Variants in ADK observed in about 807,000 individuals in gnomAD.
The protein encoded by ADK is adenosine kinase, also known as N6,N6-dimethyladenosine kinase.
In ADK, 24 loss-of-function variants were observed where a neutral mutation model predicts 44.7. The ratio of observed to expected loss-of-function variants is 0.54; its 90% CI spans 0.39 to 0.76. ADK has a LOEUF of 0.76. Among genes scored for constraint, ADK ranks in the 30% least tolerant of loss-of-function variants. ADK has a pLI of 0.00. For synonymous variants in ADK, 128 were observed against 142.6 expected, an observed-to-expected ratio of 0.90 and a Z score of 0.73; for missense variants, 321 against 425.1, an observed-to-expected ratio of 0.76 and a Z score of 2.15.
At chr10:74,339,332 A>G (rs1841512056) in intron 4 of ADK, among the ~76,000 whole-genome samples, 1 of 152,168 alleles carries the variant, frequency 6.6e-6, no homozygotes, top group Admixed American at 6.5e-5. Flanking sequence ...TTATTTTTAA[A>G]ATGATCCACT....
intron 7 of ADK, among the ~76,000 whole-genome samples, chr10:74,565,747 A>C (rs1033006109): frequency 1.3e-5 from 2 of 151,618 alleles, no homozygotes; most frequent in Non-Finnish European, 2.9e-5. Flanking sequence ...AAAAAAAAAA[A>C]AACCATGAAC....
chr10:74,266,237 C>G (rs1846208389), intron 3 of ADK, among the ~76,000 whole-genome samples: 1 of 152,102 alleles, frequency 6.6e-6, no homozygotes, highest in Non-Finnish European at 1.5e-5. Context: ...TTTGAAGTCT[C>G]TGGAGGCTCA....
intron 2 of ADK, among the ~76,000 whole-genome samples, chr10:74,222,753 T>G (rs182902675): frequency 1.3e-5 from 2 of 150,380 alleles, no homozygotes; most frequent in Admixed American, 1.4e-4. Flanking sequence ...CAGTAAACTA[T>G]CACAAGAACA....
chr10:74,567,005 A>C (rs541879630), intron 7 of ADK, among the ~76,000 whole-genome samples: 3 of 152,186 alleles, frequency 2.0e-5, no homozygotes, highest in Non-Finnish European at 2.9e-5. Context: ...GTTAGAAAAG[A>C]CTTTAGAAAG....
intron 3 of ADK, among the ~76,000 whole-genome samples, chr10:74,250,031 T>C (rs995612222): frequency 2.6e-5 from 4 of 152,170 alleles, no homozygotes; most frequent in Non-Finnish European, 4.4e-5. Context: ...TGAAGACTTA[T>C]TGCGCCACTC....
intron 1 of ADK, among the ~76,000 whole-genome samples, chr10:74,191,923 T>G (rs1260568575): frequency 1.3e-5 from 2 of 152,354 alleles, no homozygotes; most frequent in Middle Eastern, 3.4e-3. Context: ...ATATTATTTC[T>G]TTATGGTTAT....
chr10:74,641,148 C>G (rs537880052), intron 9 of ADK, among the ~76,000 whole-genome samples: 1 of 152,084 alleles, frequency 6.6e-6, no homozygotes, highest in Non-Finnish European at 1.5e-5. Context: ...TGTTCATTTT[C>G]TTTCTCATCA....
intron 4 of ADK, among the ~76,000 whole-genome samples, chr10:74,362,573 T>C (rs944035655): frequency 6.6e-6 from 1 of 152,218 alleles, no homozygotes; most frequent in African/African-American, 2.4e-5. Context: ...TTTGTTCTTT[T>C]GGTGTGATGT....
intron 3 of ADK, among the ~76,000 whole-genome samples, chr10:74,241,267 G>A (rs1845195214): frequency 6.6e-6 from 1 of 152,322 alleles, no homozygotes; most frequent in African/African-American, 2.4e-5. Flanking sequence ...CAAAGATACA[G>A]AGATTTCCCA....
intron 10 of ADK, among the ~76,000 whole-genome samples, chr10:74,680,038 G>A (rs1855545101): frequency 2.0e-5 from 3 of 151,800 alleles, no homozygotes; most frequent in Non-Finnish European, 4.4e-5. Context: ...GTACAGGCCG[G>A]GCACGGTGGC....
chr10:74,594,409 A>T (rs1163944347), intron 8 of ADK, among the ~76,000 whole-genome samples: 1 of 143,272 alleles, frequency 7.0e-6, no homozygotes, highest in East Asian at 1.9e-4. Flanking sequence ...AATAAAAAAA[A>T]AATTAAAATG....
At chr10:74,195,086 C>G (rs796721159) in intron 1 of ADK, among the ~76,000 whole-genome samples, 3 of 87,036 alleles carry the variant, frequency 3.4e-5, no homozygotes, top group South Asian at 2.9e-4. Context: ...ACCGCTCCCC[C>G]CCCCAAAAAA....
chr10:74,287,063 T>C (rs1183843992), intron 3 of ADK, among the ~76,000 whole-genome samples: 1 of 152,056 alleles, frequency 6.6e-6, no homozygotes, highest in South Asian at 2.1e-4. Flanking sequence ...CAAGTAGGAA[T>C]TGAAAAGATG....
chr10:74,443,508 CAG>C (rs1485156599), intron 6 of ADK, among the ~76,000 whole-genome samples: 2 of 152,056 alleles, frequency 1.3e-5, no homozygotes, highest in African/African-American at 4.8e-5. Flanking sequence ...TCAATAAAGA[CAG>C]AAGGTATATT....
At chr10:74,653,569 C>A (rs1467143596) in intron 9 of ADK, among the ~76,000 whole-genome samples, 1 of 152,088 alleles carries the variant, frequency 6.6e-6, no homozygotes, top group African/African-American at 2.4e-5. Flanking sequence ...CACAACCAAG[C>A]TTTAAAATCA....
intron 9 of ADK, among the ~76,000 whole-genome samples, chr10:74,667,936 T>C (rs1027303449): frequency 4.6e-5 from 7 of 152,180 alleles, no homozygotes; most frequent in African/African-American, 1.7e-4. Context: ...GAATAATTGT[T>C]TTCAAACGAG....
At chr10:74,320,222 T>C (rs969323730) in intron 4 of ADK, among the ~76,000 whole-genome samples, 1 of 152,164 alleles carries the variant, frequency 6.6e-6, no homozygotes, top group South Asian at 2.1e-4. Context: ...TATAGGATAG[T>C]TTTGTTGGAT....
At chr10:74,650,979 A>G (rs950563166) in intron 9 of ADK, among the ~76,000 whole-genome samples, 52 of 152,252 alleles carry the variant, frequency 3.4e-4, no homozygotes, top group African/African-American at 1.2e-3. Context: ...GTTGTTCAAC[A>G]TAACCAGCAA....
At chr10:74,482,015 G>A (rs545867421) in intron 6 of ADK, among the ~76,000 whole-genome samples, 1 of 152,298 alleles carries the variant, frequency 6.6e-6, no homozygotes, top group African/African-American at 2.4e-5. Flanking sequence ...ACTTTCAGCT[G>A]TTAAGGAAAT....
Sources: allele counts gnomAD v4.1 joint callset (sites outside exome capture counted in the v4.1 genomes callset), GRCh38; gene constraint gnomAD v4.1.1; transcripts MANE v1.5; gene names NCBI Gene and HGNC (gene_info 2026-07-23, HGNC 2026-07-21).